Variants in CDK17 observed in about 807,000 individuals in gnomAD.
CDK17 encodes cyclin dependent kinase 17.
A neutral mutation model predicts 77.6 loss-of-function variants in CDK17; 24 were observed. The observed-to-expected ratio is 0.31, with a 90% CI of 0.22 to 0.44. The LOEUF (loss-of-function observed/expected upper bound fraction) is 0.44. Among genes scored for constraint, CDK17 ranks in the 20% least tolerant of loss-of-function variants. CDK17 has a pLI of 1.00. For synonymous variants in CDK17, 203 were observed against 210.4 expected (o/e 0.96, Z 0.30); for missense variants, 429 against 622.5 (o/e 0.69, Z 3.31).
Position 96,278,269 on chromosome 12 carries a change from C to T in CDK17, c.*1973G>A, listed in dbSNP as rs1309563968. Reference sequence around the variant, plus strand: ...TATGTAACAAATGGATATATATTTTCATCTTTTATACGCAAGAATTAAGCC... The same window carrying T: ...TATGTAACAAATGGATATATATTTTTATCTTTTATACGCAAGAATTAAGCC... On this transcript the variant is annotated 3_prime_UTR_variant, in exon 17 of 17. Coordinates refer to ENST00000261211, the MANE Select transcript of CDK17 (RefSeq NM_002595.5). The T allele has an allele frequency of 1.3e-5, 2 of 152,076 alleles. No homozygotes were observed. The highest frequency in any genetic ancestry group is 2.9e-5 in the Non-Finnish European group (2 of 67,956). The allele number at this position is 152,076 out of a possible 1,614,324, so 9.4% of individuals were successfully genotyped here.
intron 1 of CDK17, among the ~76,000 whole-genome samples, chr12:96,338,329 T>C (rs1471751594): frequency 6.6e-6 from 1 of 152,232 alleles, no homozygotes; most frequent in African/African-American, 2.4e-5. Flanking sequence ...TTGATTTTCA[T>C]CTGCATCTTT....
At chr12:96,350,804 A>G (rs1268609449) in intron 1 of CDK17, among the ~76,000 whole-genome samples, 1 of 152,168 alleles carries the variant, frequency 6.6e-6, no homozygotes, top group Non-Finnish European at 1.5e-5. Context: ...TTTCACAATG[A>G]TTTCTTAAAT....
rs188580767 is a variant in CDK17 at position 96,305,189 on chromosome 12, T to C, written c.544-4829A>G. The stretch of plus-strand genomic sequence containing the variant: ...ACAATGTTTTATTTCTTATCAATCA[T>C]AAAGGACTACTAAATAGCACGTCAC... On this transcript the variant is annotated intron_variant, in intron 5 of 16. Coordinates refer to ENST00000261211, the MANE Select transcript of CDK17 (RefSeq NM_002595.5). Among the ~76,000 whole-genome samples, 146 of 152,310 alleles carry C rather than the reference T, an allele frequency of 9.6e-4. 3 individuals carry two copies. In the East Asian group the frequency reaches 0.019, roughly 20 times the overall value.
intron 4 of CDK17, among the ~76,000 whole-genome samples, chr12:96,312,964 T>G (rs1258796105): frequency 2.0e-5 from 3 of 152,194 alleles, no homozygotes; most frequent in Admixed American, 6.5e-5. Context: ...AAAATATCAT[T>G]AAAATCGTAT....
chr12:96,373,399 C>T (rs980989304), intron 1 of CDK17, among the ~76,000 whole-genome samples: 2 of 150,786 alleles, frequency 1.3e-5, no homozygotes, highest in African/African-American at 4.9e-5. Context: ...TGGATATCAG[C>T]CTGGCCAACA....
At chr12:96,398,912 C>T (rs535509265) in intron 1 of CDK17, among the ~76,000 whole-genome samples, 26 of 152,296 alleles carry the variant, frequency 1.7e-4, no homozygotes, top group African/African-American at 6.3e-4. Context: ...TTCAGCTAAA[C>T]GCTTTTTGCC....
At chr12:96,281,798 A>G (rs1030234396) in intron 15 of CDK17, 5 of 152,244 alleles carry the variant, frequency 3.3e-5, no homozygotes, top group African/African-American at 7.2e-5. Context: ...TTTTATTCCA[A>G]TTAGCTTTGT....
chr12:96,381,261 A>T (rs1047020170), intron 1 of CDK17, among the ~76,000 whole-genome samples: 12 of 152,058 alleles, frequency 7.9e-5, no homozygotes, highest in African/African-American at 2.9e-4. Context: ...TTTTGACTGG[A>T]TATTCATATA....
At chr12:96,300,783 C>A (rs775782468) in intron 5 of CDK17, among the ~76,000 whole-genome samples, 1 of 152,176 alleles carries the variant, frequency 6.6e-6, no homozygotes. Flanking sequence ...ATAGAAAAAT[C>A]TGATTATAAT....
intron 1 of CDK17, among the ~76,000 whole-genome samples, chr12:96,355,346 C>T (rs1334793644): frequency 6.6e-6 from 1 of 151,436 alleles, no homozygotes; most frequent in Non-Finnish European, 1.5e-5. Context: ...CTCTATTCCC[C>T]TTAACTGCTT....
chr12:96,344,667 C>G (rs540707413), intron 1 of CDK17, among the ~76,000 whole-genome samples: 1 of 152,140 alleles, frequency 6.6e-6, no homozygotes, highest in South Asian at 2.1e-4. Flanking sequence ...ACCAGTAGAC[C>G]TACTCTACAA....
intron 1 of CDK17, among the ~76,000 whole-genome samples, chr12:96,381,745 T>C (rs974247892): frequency 5.3e-5 from 8 of 150,734 alleles, no homozygotes; most frequent in African/African-American, 1.7e-4. Context: ...TAAAAAGAGA[T>C]GGATCACCAA....
intron 2 of CDK17, among the ~76,000 whole-genome samples, chr12:96,331,131 C>T (rs1952960720): frequency 6.6e-6 from 1 of 152,030 alleles, no homozygotes; most frequent in Non-Finnish European, 1.5e-5. Context: ...TTAGTAGAGA[C>T]GGGGTTTCAC....
At chr12:96,310,424 T>A (rs1181554224) in intron 5 of CDK17, among the ~76,000 whole-genome samples, 1 of 151,968 alleles carries the variant, frequency 6.6e-6, no homozygotes, top group Non-Finnish European at 1.5e-5. Context: ...AAAAAACAAA[T>A]AAGAATATAT....
At chr12:96,375,265 T>A (rs1953759667) in intron 1 of CDK17, among the ~76,000 whole-genome samples, 1 of 152,168 alleles carries the variant, frequency 6.6e-6, no homozygotes, top group Non-Finnish European at 1.5e-5. Flanking sequence ...TCCTTCATTA[T>A]CCTAAACACA....
chr12:96,342,744 C>T (rs1953140303), intron 1 of CDK17, among the ~76,000 whole-genome samples: 1 of 152,118 alleles, frequency 6.6e-6, no homozygotes, highest in Non-Finnish European at 1.5e-5. Flanking sequence ...GCAGGCGGAT[C>T]ACCTGAGGTT....
At chr12:96,317,691 C>T (rs1952751637) in intron 3 of CDK17, among the ~76,000 whole-genome samples, 1 of 133,782 alleles carries the variant, frequency 7.5e-6, no homozygotes, top group Non-Finnish European at 1.6e-5. Flanking sequence ...TCACATCCAG[C>T]CAAACTAAGC....
Position 96,330,201 on chromosome 12 carries a change from T to C in CDK17, c.118+4518A>G, listed in dbSNP as rs187266644. On this transcript the variant is annotated intron_variant, in intron 2 of 16. Coordinates refer to ENST00000261211, the MANE Select transcript of CDK17 (RefSeq NM_002595.5). ...TTACAAGAAAAAATAAGTTCAAGGC[T>C]ATGTAAACACAAGATTCTGAAATAT... 7.5e-3 allele frequency among the ~76,000 whole-genome samples: 1,148 copies of C among 152,154 alleles called. 50 individuals carry two copies. Among genetic ancestry groups the C allele is most frequent in the Non-Finnish European group, 1.5e-3 (101 of 68,014 alleles).
At chr12:96,316,876 T>C (rs1466795803) in intron 3 of CDK17, among the ~76,000 whole-genome samples, 11 of 148,776 alleles carry the variant, frequency 7.4e-5, no homozygotes, top group African/African-American at 2.7e-4. Flanking sequence ...ACAGAAAAAC[T>C]GGAAACTCTA....
Sources: gnomAD v4.1 joint callset for allele counts (sites outside exome capture counted in the v4.1 genomes callset) on GRCh38, gnomAD v4.1.1 for gene constraint, MANE v1.5 for transcripts, NCBI Gene and HGNC (gene_info 2026-07-23, HGNC 2026-07-21) for gene names.